The following FGF4 variants were observed in gnomAD, a reference collection of about 807,000 sequenced individuals.
FGF4 encodes the protein heparin secretory transforming protein 1.
A neutral mutation model predicts 15.7 loss-of-function variants in FGF4; 9 were observed. The observed-to-expected ratio is 0.57, with a 90% CI of 0.35 to 1.00. FGF4 has a LOEUF of 1.00. Among genes scored for constraint, FGF4 ranks in the 50% least tolerant of loss-of-function variants. FGF4 has a pLI of 0.02. For synonymous variants in FGF4, 164 were observed against 144.8 expected (o/e 1.13, Z -0.95); for missense variants, 286 against 297.3 (o/e 0.96, Z 0.28).
Position 69,771,073 on chromosome 11 carries a change from C to T in FGF4, c.*2236G>A, listed in dbSNP as rs1855562100. ...TAATTCCTTTCCCAGTTGTGTACAT[C>T]CAGTCCAGTGGTGTCTTTTTATACA... On this transcript the variant is annotated 3_prime_UTR_variant, in exon 3 of 3. Coordinates refer to ENST00000168712, the MANE Select transcript of FGF4 (RefSeq NM_002007.4). The T allele has an allele frequency of 6.6e-6, 1 of 152,182 alleles. No homozygotes were observed. Among genetic ancestry groups the T allele is most frequent in the Non-Finnish European group, 1.5e-5 (1 of 68,040 alleles). 9.4% of individuals were successfully genotyped at this position (152,182 alleles called of 1,614,324 possible). A position where few individuals can be genotyped will look rare whatever the true frequency, so the allele number is the denominator to read the frequency against.
At position 69,774,751 on chromosome 11, in the gene FGF4, G is replaced by C. The variant is rs779390973; in HGVS notation, c.334C>G (p.Arg112Gly). 7.7e-5 allele frequency: 115 copies of C among 1,489,960 alleles called. No individual in the cohort carries two copies. Among genetic ancestry groups the C allele is most frequent in the Non-Finnish European group, 9.0e-5 (102 of 1,129,218 alleles). The allele number at this position is 1,489,960 out of a possible 1,614,324, so 92.3% of individuals were successfully genotyped here. The change falls in exon 1 of 3, where the codon CGC becomes GGC. Residue 112 changes from arginine (R) to glycine (G), a missense_variant. Transcript: ENST00000168712. ...GCCTGGCCGCGCCACTCACTGTCGC[G>C]GGTGTCCGCGTGCGCGCCGCCGATG... ...GRIGGAHADT[R>G]DSLLELSPVE...
intron 1 of FGF4, 107 bp downstream of exon 1, chr11:69,774,638 G>A (rs1334103824): frequency 2.3e-6 from 2 of 879,206 alleles, no homozygotes; most frequent in East Asian, 3.4e-5. Flanking sequence ...GGTTCCCGGG[G>A]CCCCCGAGCA....
At chr11:69,774,271 C>T (rs966259402) in intron 1 of FGF4, 144 bp from the exon 2 acceptor site, 2 of 661,498 alleles carry the variant, frequency 3.0e-6, no homozygotes, top group Admixed American at 5.6e-5. Flanking sequence ...CCCCAAGGGC[C>T]TCCAGAGCCC....
Position 69,773,035 on chromosome 11 carries a change from T to TA in FGF4, c.*273dup. On this transcript the variant is annotated 3_prime_UTR_variant, in exon 3 of 3. Transcript: ENST00000168712. ...ACACTCGTGACAACTTTTGACAAGT[T>TA]AAAGAAATCCAATGGTAAGATTCTC... The TA allele has an allele frequency of 2.5e-6, 1 of 395,828 alleles. No homozygotes were observed. The highest frequency in any genetic ancestry group is 4.5e-6 in the Non-Finnish European group (1 of 220,368). The allele number at this position is 395,828 out of a possible 1,614,324, so 24.5% of individuals were successfully genotyped here.
In FGF4 at chr11:69,772,810, C is replaced by T. The variant is rs978474368; in HGVS notation, c.*499G>A. On this transcript the variant is annotated 3_prime_UTR_variant, in exon 3 of 3. Transcript: ENST00000168712. ...CGCACTTTCTGTACCCGAAGTAAAC[C>T]GATATGTCCCGATTAATAGCAACAG... 2 of 171,206 alleles carry T rather than the reference C, an allele frequency of 1.2e-5. No individual in the cohort carries two copies. The highest frequency in any genetic ancestry group is 1.2e-4 in the East Asian group (1 of 8,594). 10.6% of individuals were successfully genotyped at this position (171,206 alleles called of 1,614,324 possible).
chr11:69,775,166 C>T lies in FGF4; in HGVS notation c.-82G>A, dbSNP rs946599903. ...GCAGAGCTGCGCCTGTGGCGTCCCGCGGGAGCGCACGGCCGACCTCGGGCA... is the reference window on the plus strand; with the variant it reads ...GCAGAGCTGCGCCTGTGGCGTCCCGTGGGAGCGCACGGCCGACCTCGGGCA... On this transcript the variant is annotated 5_prime_UTR_variant, in exon 1 of 3. Coordinates refer to ENST00000168712, the MANE Select transcript of FGF4 (RefSeq NM_002007.4). 2.0e-5 allele frequency: 19 copies of T among 957,924 alleles called. No individual in the cohort carries two copies. The Admixed American group carries it at 4.4e-4, about 22-fold the overall frequency. 59.3% of individuals were successfully genotyped at this position (957,924 alleles called of 1,614,324 possible). A position where few individuals can be genotyped will look rare whatever the true frequency, so the allele number is the denominator to read the frequency against.
intron 1 of FGF4, among the ~76,000 whole-genome samples, chr11:69,774,533 G>T (rs1431502634): frequency 6.6e-6 from 1 of 152,214 alleles, no homozygotes; most frequent in Non-Finnish European, 1.5e-5. Context: ...GCGGGAGGCG[G>T]CGCCCGACCT....
chr11:69,773,998 C>A (rs750155638), intron 2 of FGF4, 26 bp downstream of exon 2: 11 of 1,576,500 alleles, frequency 7.0e-6, no homozygotes, highest in Non-Finnish European at 9.6e-6. Context: ...CAACTAGGTG[C>A]CTAGCCAGAC....
rs1855619102 is a variant in FGF4 at position 69,774,789 on chromosome 11, A to G, written c.296T>C (p.Leu99Pro). Residue 99 changes from leucine (L) to proline (P), a missense_variant, in exon 1 of 3, where the codon CTC becomes CCC. By Grantham distance (98) the Leu-to-Pro change is moderately conservative. Coordinates refer to ENST00000168712, the MANE Select transcript of FGF4 (RefSeq NM_002007.4). The part of the protein sequence containing the change: ...NVGIGFHLQA[L>P]PDGRIGGAHA... ...CGCGCCGCCGATGCGGCCGTCGGGG[A>G]GCGCCTGGAGGTGGAAGCCGATGCC... The G allele has an allele frequency of 6.6e-7, 1 of 1,519,306 alleles. No individual in the cohort carries two copies. The highest frequency in any genetic ancestry group is 1.2e-5 in the South Asian group (1 of 82,306). 94.1% of individuals were successfully genotyped at this position (1,519,306 alleles called of 1,614,324 possible). A position where few individuals can be genotyped will look rare whatever the true frequency, so the allele number is the denominator to read the frequency against.
rs752416500 is a variant in FGF4, at chr11:69,773,347, G to C, written c.583C>G (p.Pro195Ala). Residue 195 changes from proline to alanine, a missense_variant, in exon 3 of 3, where the codon CCC becomes GCC. Transcript: ENST00000168712. ...AGGAAGTGGGTGACCTTCATGGTGG[G>C]CGACACTCGGTTCCCCTTCTTGGTC... ...GKTKKGNRVS[P>A]TMKVTHFLPR... is the part of the protein sequence containing the mutation. 16 of 1,614,152 alleles carry C rather than the reference G, an allele frequency of 9.9e-6. No homozygotes were observed. The South Asian group carries it at 1.8e-4, about 18-fold the overall frequency.
At chr11:69,774,167 C>G (rs1855610493) in intron 1 of FGF4, 40 bp from the exon 2 acceptor site, 2 of 1,505,394 alleles carry the variant, frequency 1.3e-6, no homozygotes, top group Non-Finnish European at 1.8e-6. Flanking sequence ...CAGGTGATCC[C>G]TGGCCCACTC....
At chr11:69,774,185 C>T in intron 1 of FGF4, 58 bp from the exon 2 acceptor site, 1 of 1,388,328 alleles carries the variant, frequency 7.2e-7, no homozygotes, top group Middle Eastern at 2.4e-4. Context: ...CTCCGCCCCT[C>T]GGCTTGTTCG....
rs138379196 is a variant in FGF4, at chr11:69,773,521, C to T, written c.445-36G>A. 7,499 of 1,610,432 alleles carry T rather than the reference C, an allele frequency of 4.7e-3. 49 individuals are homozygous for T. The highest frequency in any genetic ancestry group is 9.3e-3 in the Middle Eastern group (56 of 6,044). ...GCAGGGCAGTGTCAGGGCTGGGGCA[C>T]CTCTTGGGCAAGGTACCCAGCCTGA... is the stretch of plus-strand genomic sequence containing the variant. On this transcript the variant is annotated intron_variant, in intron 2 of 2. Coordinates refer to ENST00000168712, the MANE Select transcript of FGF4 (RefSeq NM_002007.4).
chr11:69,774,745 T>C lies in FGF4; in HGVS notation c.340A>G (p.Ser114Gly), dbSNP rs1001068009. The change falls in exon 1 of 3, where the codon AGC (serine) becomes GGC (glycine). Residue 114 changes from serine (S) to glycine (G), a missense_variant and splice_region_variant. Ser to Gly is a moderately conservative substitution (Grantham distance 56). Transcript: ENST00000168712. ...IGGAHADTRD[S>G]LLELSPVERG... ...CTTCGCGCCTGGCCGCGCCACTCACTGTCGCGGGTGTCCGCGTGCGCGCCG... is the reference window on the plus strand; with the variant it reads ...CTTCGCGCCTGGCCGCGCCACTCACCGTCGCGGGTGTCCGCGTGCGCGCCG... 6.8e-7 allele frequency: 1 copy of C among 1,478,862 alleles called. No individual in the cohort carries two copies. Among genetic ancestry groups the C allele is most frequent in the Non-Finnish European group, 8.9e-7 (1 of 1,123,590 alleles). 91.6% of individuals were successfully genotyped at this position (1,478,862 alleles called of 1,614,324 possible). A position where few individuals can be genotyped will look rare whatever the true frequency, so the allele number is the denominator to read the frequency against.
In FGF4 at chr11:69,771,466, T is replaced by C. The variant is rs1188206564; in HGVS notation, c.*1843A>G. On this transcript the variant is annotated 3_prime_UTR_variant, in exon 3 of 3. Coordinates refer to ENST00000168712, the MANE Select transcript of FGF4 (RefSeq NM_002007.4). ...TAAAATTCAGAAAGTCGACGGATGATCCCTCCACACCCCCCAACGCCAAAC... is the reference window on the plus strand; with the variant it reads ...TAAAATTCAGAAAGTCGACGGATGACCCCTCCACACCCCCCAACGCCAAAC... 6.6e-6 allele frequency: 1 copy of C among 152,116 alleles called. No individual in the cohort carries two copies. The highest frequency in any genetic ancestry group is 2.4e-5 in the African/African-American group (1 of 41,432). The allele number at this position is 152,116 out of a possible 1,614,324, so 9.4% of individuals were successfully genotyped here. A position where few individuals can be genotyped will look rare whatever the true frequency, so the allele number is the denominator to read the frequency against.
At chr11:69,774,500 G>C (rs1855614628) in intron 1 of FGF4, among the ~76,000 whole-genome samples, 1 of 152,232 alleles carries the variant, frequency 6.6e-6, no homozygotes, top group East Asian at 1.9e-4. Flanking sequence ...GGAATTCGGC[G>C]CTCGGAGCCC....
At chr11:69,774,699 C>G in intron 1 of FGF4, 46 bp downstream of exon 1, 1 of 1,341,188 alleles carries the variant, frequency 7.5e-7, no homozygotes, top group Non-Finnish European at 9.5e-7. Flanking sequence ...GCCCGGCGGC[C>G]GTTGCCCCCC....
rs546314479 is a variant in FGF4 at position 69,771,712 on chromosome 11, T to G, written c.*1597A>C. Reference sequence around the variant, plus strand: ...GAACAAAGAGTTTTCAAAAGGAATGTGAAAGACAAAAACTCCAATCAGATT... The same window carrying G: ...GAACAAAGAGTTTTCAAAAGGAATGGGAAAGACAAAAACTCCAATCAGATT... On this transcript the variant is annotated 3_prime_UTR_variant, in exon 3 of 3. Coordinates refer to ENST00000168712, the MANE Select transcript of FGF4 (RefSeq NM_002007.4). The G allele has an allele frequency of 6.6e-6, 1 of 152,330 alleles. No individual in the cohort carries two copies. The highest frequency in any genetic ancestry group is 6.5e-5 in the Admixed American group (1 of 15,302). The allele number at this position is 152,330 out of a possible 1,614,324, so 9.4% of individuals were successfully genotyped here.
Position 69,774,956 on chromosome 11 carries a change from C to T in FGF4, c.129G>A (p.Leu43=), listed in dbSNP as rs1855622851. 6.8e-7 allele frequency: 1 copy of T among 1,476,424 alleles called. No individual in the cohort carries two copies. Among genetic ancestry groups the T allele is most frequent in the Non-Finnish European group, 8.9e-7 (1 of 1,121,390 alleles). 91.5% of individuals were successfully genotyped at this position (1,476,424 alleles called of 1,614,324 possible). A position where few individuals can be genotyped will look rare whatever the true frequency, so the allele number is the denominator to read the frequency against. ...TAPNGTLEAE[L]ERRWESLVAL... is the part of the protein sequence containing the mutation. ...CCACCAGGCTCTCCCAGCGGCGCTC[C>T]AGCTCGGCCTCCAGCGTGCCGTTGG... Residue 43 remains leucine (L), a synonymous_variant, in exon 1 of 3, where the codon CTG becomes CTA. Coordinates refer to ENST00000168712, the MANE Select transcript of FGF4 (RefSeq NM_002007.4).
Sources: gnomAD v4.1 joint callset for allele counts (sites outside exome capture counted in the v4.1 genomes callset) on GRCh38, gnomAD v4.1.1 for gene constraint, MANE v1.5 for transcripts, NCBI Gene and HGNC (gene_info 2026-07-23, HGNC 2026-07-21) for gene names.